Variants in NSD1 observed in about 807,000 individuals in gnomAD.
NSD1 encodes nuclear receptor binding SET domain protein 1, also known as histone-lysine N-methyltransferase, H3 lysine-36 specific.
In NSD1, 26 loss-of-function variants were observed where a neutral mutation model predicts 242.7. The ratio of observed to expected loss-of-function variants is 0.11; its 90% confidence interval spans 0.08 to 0.15. NSD1 has a LOEUF of 0.15. Among genes scored for constraint, NSD1 ranks in the 10% least tolerant of loss-of-function variants. The pLI, the probability that NSD1 is intolerant of heterozygous loss-of-function variation, is 1.00. For synonymous variants in NSD1, 1,106 were observed against 1,178.1 expected (o/e 0.94, Z 1.25); for missense variants, 2,495 against 3,272.8 (o/e 0.76, Z 5.80).
chr5:177,211,028 A>C lies in NSD1; in HGVS notation c.2629A>C (p.Ser877Arg), dbSNP rs1763296496. Residue 877 changes from serine (S) to arginine (R), a missense_variant, in exon 5 of 23, where the codon AGT (serine) becomes CGT (arginine). Physicochemically the swap from Ser to Arg is moderately radical, Grantham distance 110. Transcript: ENST00000439151. ...TTACAGATCCTTAGGTGAGGATGTCAGTGACTCTGGAACATCAAAGCCATC... is the reference window on the plus strand; with the variant it reads ...TTACAGATCCTTAGGTGAGGATGTCCGTGACTCTGGAACATCAAAGCCATC... ...LSYRSLGEDV[S>R]DSGTSKPSKP... 6.2e-7 allele frequency: 1 copy of C among 1,614,122 alleles called. No homozygotes were observed. The highest frequency in any genetic ancestry group is 1.3e-5 in the African/African-American group (1 of 74,956).
Position 177,210,003 on chromosome 5 carries a change from T to A in NSD1, c.1604T>A (p.Leu535Gln). The change falls in exon 5 of 23, where the codon CTA becomes CAA. Residue 535 changes from leucine (L) to glutamine (Q), a missense_variant. Transcript: ENST00000439151. ...GGAAAGATTCCAGAGAACCTTGGCC[T>A]AAACTTTATCTCTGGGGATATATCT... is the stretch of plus-strand genomic sequence containing the variant. ...RRGKIPENLG[L>Q]NFISGDISDT... 6.2e-7 allele frequency: 1 copy of A among 1,614,138 alleles called. No individual in the cohort carries two copies. Among genetic ancestry groups the A allele is most frequent in the African/African-American group, 1.3e-5 (1 of 75,042 alleles).
intron 2 of NSD1, among the ~76,000 whole-genome samples, chr5:177,174,911 A>G (rs1313719539): frequency 4.9e-5 from 6 of 122,858 alleles, no homozygotes; most frequent in Admixed American, 1.1e-4. Context: ...TCGCTCTGTC[A>G]CCCAGGCTGG....
At chr5:177,190,038 A>G (rs368459983) in intron 2 of NSD1, among the ~76,000 whole-genome samples, 81 of 152,246 alleles carry the variant, frequency 5.3e-4, no homozygotes, top group African/African-American at 1.9e-3. Context: ...GGTCCACTGT[A>G]GCCTCGAATT....
chr5:177,181,670 C>T (rs986368464), intron 2 of NSD1, among the ~76,000 whole-genome samples: 2 of 151,236 alleles, frequency 1.3e-5, no homozygotes, highest in Admixed American at 6.6e-5. Flanking sequence ...AAGTGATCTG[C>T]CCTCCTTGGC....
At chr5:177,200,671 CCTTA>C (rs1762445151) in intron 3 of NSD1, among the ~76,000 whole-genome samples, 1 of 152,070 alleles carries the variant, frequency 6.6e-6, no homozygotes, top group Admixed American at 6.6e-5. Flanking sequence ...CCTATTGACC[CCTTA>C]CTTCATTTAT....
At chr5:177,252,154 TG>T (rs1314940992) in intron 12 of NSD1, among the ~76,000 whole-genome samples, 56 of 152,164 alleles carry the variant, frequency 3.7e-4, no homozygotes, top group Non-Finnish European at 6.6e-4. Flanking sequence ...GAGAAATTGA[TG>T]TCGGGAGGGG....
intron 14 of NSD1, chr5:177,266,064 CTT>C: frequency 2.7e-6 from 3 of 1,109,130 alleles, no homozygotes; most frequent in Middle Eastern, 2.1e-4. Context: ...ATCTTGTAGT[CTT>C]TGTACTGCCG....
At chr5:177,213,997 G>A (rs767698136) in intron 5 of NSD1, among the ~76,000 whole-genome samples, 1 of 151,734 alleles carries the variant, frequency 6.6e-6, no homozygotes, top group East Asian at 1.9e-4. Flanking sequence ...TTGAGATAGG[G>A]TCTGGCTCTG....
chr5:177,181,426 G>GT (rs1554183364), intron 2 of NSD1, among the ~76,000 whole-genome samples: 12,845 of 119,482 alleles, frequency 0.11, 1,135 homozygotes, highest in East Asian at 0.44. Context: ...GTTTTTTTTT[G>GT]GTTTTTTTTT....
intron 2 of NSD1, among the ~76,000 whole-genome samples, chr5:177,174,902 C>G (rs374593782): frequency 1.6e-3 from 162 of 100,234 alleles, no homozygotes; most frequent in African/African-American, 5.9e-3. Context: ...GGGACAGTCT[C>G]GCTCTGTCAC....
At chr5:177,139,480 C>CAAAGTTAGG (rs1269759306) in intron 2 of NSD1, among the ~76,000 whole-genome samples, 2 of 149,866 alleles carry the variant, frequency 1.3e-5, no homozygotes, top group Non-Finnish European at 3.0e-5. Flanking sequence ...TCTTAGAATG[C>CAAAGTTAGG]AAAGTTAGGT....
intron 3 of NSD1, among the ~76,000 whole-genome samples, chr5:177,201,935 G>A (rs1762539024): frequency 6.6e-6 from 1 of 151,746 alleles, no homozygotes; most frequent in Non-Finnish European, 1.5e-5. Flanking sequence ...GGGAGGCCGA[G>A]GCGGGCGGAT....
At chr5:177,153,231 C>A (rs1340576006) in intron 2 of NSD1, among the ~76,000 whole-genome samples, 1 of 136,902 alleles carries the variant, frequency 7.3e-6, no homozygotes, top group East Asian at 2.1e-4. Context: ...TTAATTATTT[C>A]TTGAGGATTA....
At chr5:177,260,490 G>T (rs1756913222) in intron 14 of NSD1, among the ~76,000 whole-genome samples, 1 of 151,754 alleles carries the variant, frequency 6.6e-6, no homozygotes, top group African/African-American at 2.4e-5. Flanking sequence ...GGGATTACAG[G>T]TGCCCGCCAC....
At position 177,273,560 on chromosome 5, in the gene NSD1, G is replaced by A. The variant is rs59258749; in HGVS notation, c.5510-112G>A. The A allele has an allele frequency of 3.2e-3, 2,644 of 824,570 alleles. 55 individuals carry two copies. In the African/African-American group the frequency reaches 0.04, roughly 13 times the overall value. 51.1% of individuals were successfully genotyped at this position (824,570 alleles called of 1,614,324 possible). A position where few individuals can be genotyped will look rare whatever the true frequency, so the allele number is the denominator to read the frequency against. ...TTTCATATAGCATTGGTCGATTTTT[G>A]TGTAAAACATGGAGTTTCTCCAACT... On this transcript the variant is annotated intron_variant, in intron 16 of 22. Transcript: ENST00000439151.
chr5:177,255,511 C>A (rs533468587), intron 12 of NSD1, among the ~76,000 whole-genome samples: 9 of 152,230 alleles, frequency 5.9e-5, no homozygotes, highest in Non-Finnish European at 1.0e-4. Context: ...AGCTTAGGCT[C>A]TTTTTCTTAT....
chr5:177,160,824 A>G (rs750866464), intron 2 of NSD1, among the ~76,000 whole-genome samples: 3 of 151,958 alleles, frequency 2.0e-5, no homozygotes, highest in African/African-American at 7.3e-5. Context: ...TGAGAGGAGC[A>G]TGATCTAGGA....
intron 9 of NSD1, among the ~76,000 whole-genome samples, chr5:177,246,178 C>T (rs889024296): frequency 4.6e-5 from 7 of 151,648 alleles, no homozygotes; most frequent in African/African-American, 1.5e-4. Flanking sequence ...CTATGTTGGT[C>T]AGGCTGGTAT....
intron 16 of NSD1, among the ~76,000 whole-genome samples, chr5:177,271,135 C>T (rs1329787229): frequency 6.6e-6 from 1 of 151,998 alleles, no homozygotes; most frequent in African/African-American, 2.4e-5. Context: ...CTGACTTCTT[C>T]GAGCTTGTAT....
Sources: allele counts gnomAD v4.1 joint callset (sites outside exome capture counted in the v4.1 genomes callset), GRCh38; gene constraint gnomAD v4.1.1; transcripts MANE v1.5; gene names NCBI Gene and HGNC (gene_info 2026-07-23, HGNC 2026-07-21).